RUNX1T1: variants seen among roughly 807,000 people sequenced by gnomAD.
RUNX1T1 encodes the protein protein CBFA2T1.
RUNX1T1 carries 4 observed loss-of-function variants against 62.8 expected under a neutral mutation model. The observed-to-expected ratio is 0.06, with a 90% CI of 0.03 to 0.15. The LOEUF (loss-of-function observed/expected upper bound fraction) is 0.15. Ranked by LOEUF, RUNX1T1 falls within the 10% of genes least tolerant of loss-of-function variation. The pLI, the probability that RUNX1T1 is intolerant of heterozygous loss-of-function variation, is 1.00. For synonymous variants in RUNX1T1, 291 were observed against 286.0 expected (o/e 1.02, Z -0.18); for missense variants, 508 against 754.3 (o/e 0.67, Z 3.82).
chr8:92,012,776 C>G (rs1333333368), intron 3 of RUNX1T1, among the ~76,000 whole-genome samples: 1 of 151,528 alleles, frequency 6.6e-6, no homozygotes, highest in Admixed American at 6.6e-5. Context: ...ATCACTCTCT[C>G]AAATGGTAGT....
At chr8:92,067,723 TA>T (rs1401639206), upstream of RUNX1T1, among the ~76,000 whole-genome samples, 1 of 152,228 alleles carries the variant, frequency 6.6e-6, no homozygotes, top group Non-Finnish European at 1.5e-5. Flanking sequence ...TGTGTGCATT[TA>T]TGTGTATGTG....
chr8:92,017,484 T>C, intron 1 of RUNX1T1, 121 bp from the exon 3 acceptor site: 1 of 1,554,210 alleles, frequency 6.4e-7, no homozygotes, highest in Non-Finnish European at 8.7e-7. Context: ...ATCAATAAAA[T>C]ACACTTATCT....
intron 1 of RUNX1T1, among the ~76,000 whole-genome samples, chr8:92,086,066 TACAG>T (rs1836064289): frequency 6.6e-6 from 1 of 152,212 alleles, no homozygotes; most frequent in Admixed American, 6.5e-5. Flanking sequence ...GTATTTGGTC[TACAG>T]ACAGTGCTTG....
chr8:92,040,167 A>G (rs376099126), intron 1 of RUNX1T1, among the ~76,000 whole-genome samples: 1 of 152,198 alleles, frequency 6.6e-6, no homozygotes, highest in African/African-American at 2.4e-5. Context: ...CAACAAGCTT[A>G]TGATCTTTCA....
rs542194163 is a variant in RUNX1T1 at position 92,061,833 on chromosome 8, T to C, written c.7+713A>G. On this transcript the variant is annotated intron_variant, in intron 1 of 10. Coordinates refer to ENST00000396218, the Ensembl canonical transcript of RUNX1T1. Reference sequence around the variant, plus strand: ...AGGCACAGGGCAATTTAGACAGTTCTTGAGAACAGCCGAAACAACCCTTTC... The same window carrying C: ...AGGCACAGGGCAATTTAGACAGTTCCTGAGAACAGCCGAAACAACCCTTTC... Among the ~76,000 whole-genome samples, 8 of 152,240 alleles carry C rather than the reference T, an allele frequency of 5.3e-5. No individual in the cohort carries two copies. The East Asian group carries it at 1.4e-3, about 26-fold the overall frequency.
chr8:91,995,426 C>T (rs529586589), intron 5 of RUNX1T1, among the ~76,000 whole-genome samples: 75 of 152,282 alleles, frequency 4.9e-4, no homozygotes, highest in Non-Finnish European at 8.5e-4. Context: ...GCCCATCACC[C>T]TGCTAGCTAC....
Position 91,996,496 on chromosome 8 carries a change from C to A in RUNX1T1, c.660-4607G>T, listed in dbSNP as rs184811813. Among the ~76,000 whole-genome samples the A allele has an allele frequency of 5.5e-4, 83 of 152,270 alleles. 1 individual carries two copies. The highest frequency in any genetic ancestry group is 1.9e-3 in the African/African-American group (81 of 41,560). Reference sequence around the variant, plus strand: ...GATTACAGGCGTGAGCCACAGCGCCCGGCTTATTTGTTTTTTAAGTCTACC... The same window carrying A: ...GATTACAGGCGTGAGCCACAGCGCCAGGCTTATTTGTTTTTTAAGTCTACC... On this transcript the variant is annotated intron_variant, in intron 5 of 10. Transcript: ENST00000396218.
intron 1 of RUNX1T1, among the ~76,000 whole-genome samples, chr8:92,055,588 C>G (rs911124922): frequency 2.0e-5 from 3 of 152,096 alleles, no homozygotes; most frequent in Non-Finnish European, 4.4e-5. Context: ...ACTACAAGCA[C>G]GTGCCACCAC....
intron 1 of RUNX1T1, among the ~76,000 whole-genome samples, chr8:92,081,001 A>G (rs926955696): frequency 2.0e-5 from 3 of 152,230 alleles, no homozygotes; most frequent in African/African-American, 7.2e-5. Context: ...TTTAATTTTC[A>G]AAAAATAAAG....
chr8:92,000,531 C>G (rs768588957), intron 5 of RUNX1T1, among the ~76,000 whole-genome samples: 1 of 152,116 alleles, frequency 6.6e-6, no homozygotes. Flanking sequence ...ACAACTGACC[C>G]TACAATTCCT....
chr8:92,085,369 T>C (rs1835934656), intron 1 of RUNX1T1, among the ~76,000 whole-genome samples: 2 of 152,228 alleles, frequency 1.3e-5, no homozygotes, highest in Admixed American at 6.5e-5. Context: ...TATTGTCAGA[T>C]TCTTGTATAT....
At position 92,008,425 on chromosome 8, in the gene RUNX1T1, C is replaced by CAT. The variant is rs1159052366; in HGVS notation, c.477+2576_477+2577insAT. On this transcript the variant is annotated intron_variant, in intron 4 of 10. Coordinates refer to ENST00000396218, the Ensembl canonical transcript of RUNX1T1. ...ACACACACACACACACACACACACACACACGAGACTATGTGCCATTCTGTA... is the reference window on the plus strand; with the variant it reads ...ACACACACACACACACACACACACACATACACGAGACTATGTGCCATTCTGTA... Among the ~76,000 whole-genome samples, 32 of 148,690 alleles carry CAT rather than the reference C, an allele frequency of 2.2e-4. No individual in the cohort carries two copies. The South Asian group carries it at 6.9e-3, about 32-fold the overall frequency.
At chr8:92,018,665 A>C (rs1823489151) in intron 1 of RUNX1T1, among the ~76,000 whole-genome samples, 1 of 152,260 alleles carries the variant, frequency 6.6e-6, no homozygotes, top group South Asian at 2.1e-4. Flanking sequence ...AGAAAAACCC[A>C]AATTACTACT....
At chr8:92,007,748 T>C (rs1210830231) in intron 4 of RUNX1T1, among the ~76,000 whole-genome samples, 1 of 151,610 alleles carries the variant, frequency 6.6e-6, no homozygotes, top group Non-Finnish European at 1.5e-5. Context: ...GGCAGGCAGG[T>C]CACTTAAGCC....
intron 1 of RUNX1T1, among the ~76,000 whole-genome samples, chr8:92,038,415 A>C (rs191218264): frequency 6.6e-6 from 1 of 152,298 alleles, no homozygotes; most frequent in Admixed American, 6.5e-5. Context: ...TAAGAAAAGA[A>C]ACAAGGAGAT....
intron 1 of RUNX1T1, among the ~76,000 whole-genome samples, chr8:92,062,041 C>G (rs1338882447): frequency 1.3e-5 from 2 of 152,164 alleles, no homozygotes; most frequent in Admixed American, 6.5e-5. Flanking sequence ...CTGATGACAT[C>G]TAAGGGCTGT....
intron 2 of RUNX1T1, 95 bp downstream of exon 2, chr8:92,075,870 G>T: frequency 8.4e-7 from 1 of 1,193,234 alleles, no homozygotes; most frequent in Non-Finnish European, 1.2e-6. Context: ...GAAGAAAAAA[G>T]AAAATCTTTA....
rs369593131 is a variant in RUNX1T1, at chr8:92,017,360, C to T, written c.11G>A (p.Arg4His). ...TGGCATTGTGGAGTGCTTCTCAGTA[C>T]GATCTGGAGGATGCCACCAGGAACA... Residue 4 changes from arginine to histidine, a missense_variant, in exon 2 of 11, where the codon CGT (arginine) becomes CAT (histidine). Around this residue, in one of 7 missense-constraint regions of RUNX1T1, gnomAD observed 86 missense variants for 94.4 expected, o/e 0.91. Coordinates refer to ENST00000396218, the Ensembl canonical transcript of RUNX1T1. The T allele has an allele frequency of 1.9e-5, 31 of 1,613,744 alleles. No homozygotes were observed. The African/African-American group carries it at 2.7e-4, about 14-fold the overall frequency.
intron 1 of RUNX1T1, among the ~76,000 whole-genome samples, chr8:92,055,308 G>C (rs994217050): frequency 2.0e-5 from 3 of 152,270 alleles, no homozygotes; most frequent in African/African-American, 7.2e-5. Flanking sequence ...GTTAAACAAT[G>C]TCAACAACAG....
Sources: allele counts gnomAD v4.1 joint callset (sites outside exome capture counted in the v4.1 genomes callset), GRCh38; gene constraint gnomAD v4.1.1; regional missense constraint gnomAD v4.1.1; transcripts MANE v1.5; gene names NCBI Gene and HGNC (gene_info 2026-07-23, HGNC 2026-07-21).